Variants in FSTL4 observed in about 807,000 individuals in gnomAD.
FSTL4 encodes the protein follistatin-related protein 4.
A neutral mutation model predicts 78.2 loss-of-function variants in FSTL4; 28 were observed. The ratio of observed to expected loss-of-function variants is 0.36; its 90% confidence interval spans 0.27 to 0.49. The LOEUF (loss-of-function observed/expected upper bound fraction) is 0.49, where lower values mean the gene tolerates loss of function less well. Among genes scored for constraint, FSTL4 ranks in the 20% least tolerant of loss-of-function variants. The pLI, the probability that FSTL4 is intolerant of heterozygous loss-of-function variation, is 0.98. For missense variants in FSTL4, 922 were observed against 1,084.9 expected (o/e 0.85, Z 2.11); for synonymous variants, 422 against 440.5 (o/e 0.96, Z 0.53).
intron 2 of FSTL4, among the ~76,000 whole-genome samples, chr5:133,601,358 TAA>T (rs1760864498): frequency 6.6e-6 from 1 of 151,740 alleles, no homozygotes; most frequent in African/African-American, 2.4e-5. Flanking sequence ...AACGTAAAAA[TAA>T]AAGAGTAAGA....
the FSTL4 span, among the ~76,000 whole-genome samples, chr5:133,748,863 G>C: frequency 1.3e-5 from 2 of 152,314 alleles, no homozygotes; most frequent in South Asian, 2.1e-4. Flanking sequence ...AGAGAGCGTT[G>C]AGAATAGAAG....
the FSTL4 span, among the ~76,000 whole-genome samples, chr5:133,673,911 C>G: frequency 4.6e-5 from 7 of 152,180 alleles, no homozygotes; most frequent in Non-Finnish European, 8.8e-5. Context: ...ATTAACTTCT[C>G]TGTTTTTGTT....
At chr5:133,484,571 C>T (rs2112861635) in intron 3 of FSTL4, among the ~76,000 whole-genome samples, 1 of 152,308 alleles carries the variant, frequency 6.6e-6, no homozygotes, top group African/African-American at 2.4e-5. Flanking sequence ...GAATTCTCAT[C>T]CTGCCTTTGC....
chr5:133,516,135 G>A (rs1758847846), intron 3 of FSTL4, among the ~76,000 whole-genome samples: 1 of 151,994 alleles, frequency 6.6e-6, no homozygotes, highest in Non-Finnish European at 1.5e-5. Flanking sequence ...CCACTTAGGA[G>A]CAATCCTTTT....
the FSTL4 span, among the ~76,000 whole-genome samples, chr5:133,671,281 C>A: frequency 6.6e-6 from 1 of 152,182 alleles, no homozygotes; most frequent in South Asian, 2.1e-4. Context: ...AAACTGCAAA[C>A]AATCTATGTA....
chr5:133,408,714 T>C (rs1756422068), intron 3 of FSTL4, among the ~76,000 whole-genome samples: 1 of 152,168 alleles, frequency 6.6e-6, no homozygotes, highest in African/African-American at 2.4e-5. Flanking sequence ...TCACAGCTGA[T>C]AGTTGTGTGA....
intron 3 of FSTL4, among the ~76,000 whole-genome samples, chr5:133,496,396 G>A (rs1207301857): frequency 6.6e-6 from 1 of 152,120 alleles, no homozygotes; most frequent in African/African-American, 2.4e-5. Flanking sequence ...CCCTTCAGAG[G>A]GCAGGTGTGC....
At chr5:133,569,980 C>T (rs916290827) in intron 2 of FSTL4, among the ~76,000 whole-genome samples, 2 of 151,962 alleles carry the variant, frequency 1.3e-5, no homozygotes, top group Admixed American at 6.5e-5. Flanking sequence ...GAGGCTGAGG[C>T]GGGCGGATCA....
At chr5:133,267,299 G>A (rs1752665820) in intron 6 of FSTL4, among the ~76,000 whole-genome samples, 1 of 152,190 alleles carries the variant, frequency 6.6e-6, no homozygotes, top group Admixed American at 6.5e-5. Context: ...GGGCTGTGAG[G>A]GCCTGTCCCT....
the FSTL4 span, among the ~76,000 whole-genome samples, chr5:133,794,713 G>C: frequency 6.6e-6 from 1 of 152,202 alleles, no homozygotes; most frequent in Admixed American, 6.5e-5. Flanking sequence ...ACTCTGGAGA[G>C]GGACAAGTAC....
the FSTL4 span, among the ~76,000 whole-genome samples, chr5:133,722,162 G>A: frequency 2.0e-5 from 3 of 152,030 alleles, no homozygotes; most frequent in African/African-American, 2.4e-5. Context: ...TGAGTAGTAC[G>A]TCCTGAGCTC....
chr5:133,458,785 G>A (rs1757539896), intron 3 of FSTL4, among the ~76,000 whole-genome samples: 1 of 152,236 alleles, frequency 6.6e-6, no homozygotes, highest in Non-Finnish European at 1.5e-5. Context: ...TGGGAGAGGA[G>A]GAGGGAAGGA....
At chr5:133,396,184 C>T (rs1223976036) in intron 4 of FSTL4, among the ~76,000 whole-genome samples, 2 of 152,206 alleles carry the variant, frequency 1.3e-5, no homozygotes, top group African/African-American at 4.8e-5. Flanking sequence ...GTTGCATCTG[C>T]TCCTTGAATA....
At position 133,236,060 on chromosome 5, in the gene FSTL4, G is replaced by T. The variant is rs138540944; in HGVS notation, c.895-2523C>A. 1.3e-5 allele frequency among the ~76,000 whole-genome samples: 2 copies of T among 152,130 alleles called. No homozygotes were observed. Among genetic ancestry groups the T allele is most frequent in the Non-Finnish European group, 2.9e-5 (2 of 68,030 alleles). ...GTGGGTCCCAGGGCAGACACCATCC[G>T]AGAGGGCAAAAACCAGAGCTGCTTG... is the stretch of plus-strand genomic sequence containing the variant. On this transcript the variant is annotated intron_variant, in intron 7 of 15. Coordinates refer to ENST00000265342, the MANE Select transcript of FSTL4 (RefSeq NM_015082.2). This position sits in a 1 kb window ranked among gnomAD's most constrained non-coding sequence, Gnocchi z 5.0.
intron 3 of FSTL4, among the ~76,000 whole-genome samples, chr5:133,504,098 A>G (rs1758563098): frequency 6.6e-6 from 1 of 152,092 alleles, no homozygotes; most frequent in South Asian, 2.1e-4. Context: ...ATTACTTCCC[A>G]TCGGGTCCCT....
chr5:133,279,735 G>T (rs920892139), intron 6 of FSTL4, among the ~76,000 whole-genome samples: 1 of 152,232 alleles, frequency 6.6e-6, no homozygotes, highest in Non-Finnish European at 1.5e-5. Flanking sequence ...GGGTTGAGTA[G>T]TGTCCCCAAC....
chr5:133,313,211 A>G (rs1753829805), intron 5 of FSTL4, among the ~76,000 whole-genome samples: 1 of 152,192 alleles, frequency 6.6e-6, no homozygotes, highest in Admixed American at 6.5e-5. Flanking sequence ...CCAGCTGCAT[A>G]GAGCTGGAGG....
chr5:133,531,108 C>T (rs1025754051), intron 3 of FSTL4, among the ~76,000 whole-genome samples: 2 of 152,206 alleles, frequency 1.3e-5, no homozygotes, highest in African/African-American at 2.4e-5. Context: ...CTCAGACACA[C>T]GGACTGACCC....
chr5:133,294,781 C>G (rs563023135), intron 6 of FSTL4, among the ~76,000 whole-genome samples: 1 of 152,158 alleles, frequency 6.6e-6, no homozygotes, highest in East Asian at 1.9e-4. Flanking sequence ...TCAGCCCCAC[C>G]GGGAATCTAC....
Sources: allele counts gnomAD v4.1 joint callset (sites outside exome capture counted in the v4.1 genomes callset), GRCh38; gene constraint gnomAD v4.1.1; non-coding constraint Gnocchi (gnomAD v3.1); transcripts MANE v1.5; gene names NCBI Gene and HGNC (gene_info 2026-07-23, HGNC 2026-07-21).